SH3BGRL2: variants seen among roughly 807,000 people sequenced by gnomAD.
SH3BGRL2 encodes the protein SH3 domain-binding glutamic acid-rich-like protein 2.
Under a neutral mutation model 14.8 loss-of-function variants are expected in SH3BGRL2, and 21 were observed. The ratio of observed to expected loss-of-function variants is 1.42; its 90% CI spans 1.01 to 2.05. The LOEUF (loss-of-function observed/expected upper bound fraction) is 2.05. SH3BGRL2 is among the 30% of genes most tolerant of loss of function. The pLI is 0.00. For synonymous variants in SH3BGRL2, 50 were observed against 47.8 expected, an observed-to-expected ratio of 1.05 and a Z score of -0.19; for missense variants, 147 against 130.8, an observed-to-expected ratio of 1.12 and a Z score of -0.61.
At chr6:79,639,008 C>T (rs1355683560) in intron 1 of SH3BGRL2, among the ~76,000 whole-genome samples, 1 of 151,976 alleles carries the variant, frequency 6.6e-6, no homozygotes. Context: ...TGATTTTTTT[C>T]TGTTTTTCAA....
intron 2 of SH3BGRL2, among the ~76,000 whole-genome samples, chr6:79,674,140 T>G (rs1769834984): frequency 6.6e-6 from 1 of 152,174 alleles, no homozygotes; most frequent in South Asian, 2.1e-4. Flanking sequence ...TTTGAAGCAT[T>G]AAAAATAATC....
At chr6:79,594,615 T>C in the SH3BGRL2 span, among the ~76,000 whole-genome samples, 1 of 152,022 alleles carries the variant, frequency 6.6e-6, no homozygotes, top group South Asian at 2.1e-4. Flanking sequence ...GTACTCTCTA[T>C]GGGAAAGGTC....
At chr6:79,684,727 A>G (rs1770058530) in intron 2 of SH3BGRL2, among the ~76,000 whole-genome samples, 1 of 152,216 alleles carries the variant, frequency 6.6e-6, no homozygotes, top group South Asian at 2.1e-4. Context: ...AAAGTTTTAC[A>G]ATGAAATCTG....
At chr6:79,596,153 C>T in the SH3BGRL2 span, among the ~76,000 whole-genome samples, 2 of 152,060 alleles carry the variant, frequency 1.3e-5, no homozygotes, top group African/African-American at 4.8e-5. Context: ...ATTACAAAAC[C>T]TTCTGGGTTT....
At chr6:79,624,494 T>C in the SH3BGRL2 span, among the ~76,000 whole-genome samples, 1 of 151,926 alleles carries the variant, frequency 6.6e-6, no homozygotes, top group African/African-American at 2.4e-5. Flanking sequence ...TGTAACAATA[T>C]GTTCAGTATC....
the SH3BGRL2 span, among the ~76,000 whole-genome samples, chr6:79,551,318 G>C: frequency 6.6e-6 from 1 of 152,116 alleles, no homozygotes; most frequent in Non-Finnish European, 1.5e-5. Context: ...CAATATTCAG[G>C]GAGCCATGGC....
At chr6:79,682,987 G>A (rs1770017295) in intron 2 of SH3BGRL2, among the ~76,000 whole-genome samples, 1 of 152,144 alleles carries the variant, frequency 6.6e-6, no homozygotes, top group Admixed American at 6.5e-5. Flanking sequence ...ACTCATAGGT[G>A]GGAATTGAAC....
chr6:79,637,109 G>C (rs1006511094), intron 1 of SH3BGRL2, among the ~76,000 whole-genome samples: 2 of 152,190 alleles, frequency 1.3e-5, no homozygotes, highest in African/African-American at 4.8e-5. Context: ...GGATATTGAA[G>C]TATATGGAAC....
At chr6:79,538,193 G>A in the SH3BGRL2 span, among the ~76,000 whole-genome samples, 2 of 151,746 alleles carry the variant, frequency 1.3e-5, no homozygotes, top group Non-Finnish European at 2.9e-5. Flanking sequence ...ACTGCTCCGA[G>A]CCATCTGATT....
At chr6:79,671,443 C>G (rs900947101) in intron 1 of SH3BGRL2, among the ~76,000 whole-genome samples, 10 of 152,188 alleles carry the variant, frequency 6.6e-5, no homozygotes, top group Admixed American at 1.3e-4. Context: ...GAGTGAAACT[C>G]TGTCTCAAAA....
At chr6:79,674,702 A>G (rs987443375) in intron 2 of SH3BGRL2, among the ~76,000 whole-genome samples, 6 of 152,188 alleles carry the variant, frequency 3.9e-5, no homozygotes, top group African/African-American at 1.4e-4. Flanking sequence ...GTAATGGAGA[A>G]TGAGAAGTTG....
At chr6:79,593,811 A>C in the SH3BGRL2 span, among the ~76,000 whole-genome samples, 4 of 152,230 alleles carry the variant, frequency 2.6e-5, no homozygotes, top group Non-Finnish European at 1.5e-5. Context: ...CAAAATAATC[A>C]ATATAGACAA....
At chr6:79,626,256 T>C in the SH3BGRL2 span, among the ~76,000 whole-genome samples, 1 of 152,096 alleles carries the variant, frequency 6.6e-6, no homozygotes, top group Non-Finnish European at 1.5e-5. Context: ...TGTCTCTAAA[T>C]AAGTAAATAA....
intron 1 of SH3BGRL2, among the ~76,000 whole-genome samples, chr6:79,664,170 C>T (rs1049926106): frequency 2.0e-5 from 3 of 152,226 alleles, no homozygotes; most frequent in Non-Finnish European, 4.4e-5. Context: ...CCGTGGGCTG[C>T]ACCCACTGTC....
chr6:79,590,407 C>T, the SH3BGRL2 span, among the ~76,000 whole-genome samples: 1 of 102,874 alleles, frequency 9.7e-6, no homozygotes, highest in Non-Finnish European at 1.8e-5. Context: ...CAATGGTGGA[C>T]TGGATAAAGA....
At chr6:79,664,024 A>G (rs751176567) in intron 1 of SH3BGRL2, among the ~76,000 whole-genome samples, 1 of 152,250 alleles carries the variant, frequency 6.6e-6, no homozygotes, top group Non-Finnish European at 1.5e-5. Context: ...ACCTAGGAAG[A>G]GCACAGTATT....
the SH3BGRL2 span, among the ~76,000 whole-genome samples, chr6:79,625,367 T>C: frequency 9.1e-4 from 138 of 152,270 alleles, 1 homozygote; most frequent in Admixed American, 1.4e-3. Flanking sequence ...TGATCAAGAA[T>C]AGACAGAATT....
the SH3BGRL2 span, among the ~76,000 whole-genome samples, chr6:79,585,526 T>C: frequency 6.6e-6 from 1 of 152,162 alleles, no homozygotes; most frequent in Admixed American, 6.6e-5. Flanking sequence ...TTAATTCTGA[T>C]CTTTGTTTCC....
At chr6:79,599,299 A>T in the SH3BGRL2 span, among the ~76,000 whole-genome samples, 12 of 152,184 alleles carry the variant, frequency 7.9e-5, no homozygotes, top group South Asian at 2.3e-3. Flanking sequence ...AACAACTTGT[A>T]TACTCTATGA....
Sources: gnomAD v4.1 joint callset for allele counts (sites outside exome capture counted in the v4.1 genomes callset) on GRCh38, gnomAD v4.1.1 for gene constraint, MANE v1.5 for transcripts, NCBI Gene and HGNC (gene_info 2026-07-23, HGNC 2026-07-21) for gene names.